Variants in CAAP1 observed in about 807,000 individuals in gnomAD.
CAAP1 encodes the protein conserved anti-apoptotic protein.
A neutral mutation model predicts 34.0 loss-of-function variants in CAAP1; 20 were observed. That is an observed-to-expected ratio of 0.59 (90% confidence interval 0.41 to 0.86). The LOEUF (loss-of-function observed/expected upper bound fraction) is 0.86. CAAP1 is among the 40% of genes least tolerant of loss of function. The pLI, the probability that CAAP1 is intolerant of heterozygous loss-of-function variation, is 0.00. For synonymous variants in CAAP1, 213 were observed against 166.7 expected, an observed-to-expected ratio of 1.28 and a Z score of -2.14; for missense variants, 538 against 450.5, an observed-to-expected ratio of 1.19 and a Z score of -1.76.
At chr9:26,859,376 A>G (rs1042258407) in intron 5 of CAAP1, among the ~76,000 whole-genome samples, 16 of 152,246 alleles carry the variant, frequency 1.1e-4, no homozygotes, top group African/African-American at 3.9e-4. Context: ...ATGGGAACAG[A>G]AAAACATCTT....
rs537831898 is a variant in CAAP1 at position 26,890,944 on chromosome 9, C to CA, written c.303+1468dup. Among the ~76,000 whole-genome samples, 549 of 148,144 alleles carry CA rather than the reference C, an allele frequency of 3.7e-3. 2 individuals carry two copies. The highest frequency in any genetic ancestry group is 5.3e-3 in the African/African-American group (205 of 39,038). On this transcript the variant is annotated intron_variant, in intron 1 of 5. Coordinates refer to ENST00000333916, the MANE Select transcript of CAAP1 (RefSeq NM_024828.4). ...TGGGCAACAGAGCGAGACTCCGTCT[C>CA]AAAAAAAACAAAAAAAAAGAAACAC...
In CAAP1 at chr9:26,892,488, C is replaced by G. The variant is rs199844079; in HGVS notation, c.228G>C (p.Gly76=). 6.4e-5 allele frequency: 100 copies of G among 1,566,820 alleles called. No individual in the cohort carries two copies. The highest frequency in any genetic ancestry group is 5.0e-4 in the Middle Eastern group (3 of 5,954). ...GGCGCTCGCTGCGCTCCACGCTGCT[C>G]CCGCCCCAACAGCTGCCGCCGCTCC... The part of the protein sequence containing the change: ...GGGSGGSCWG[G]SSVERSERRK... Residue 76 remains glycine, a synonymous_variant, in exon 1 of 6, where the codon GGG becomes GGC. Transcript: ENST00000333916.
At position 26,884,820 on chromosome 9, in the gene CAAP1, A is replaced by C. The variant is rs770433725; in HGVS notation, c.655T>G (p.Leu219Val). ...ADDGSKMGSD[L>V]VSQQDICIDS... Reference sequence around the variant, plus strand: ...AGTTTTTAAACTTACTGACTGACTAAATCAGATCCCATCTTAGAACCATCA... The same window carrying C: ...AGTTTTTAAACTTACTGACTGACTACATCAGATCCCATCTTAGAACCATCA... Residue 219 changes from leucine to valine, a missense_variant, in exon 4 of 6, where the codon TTA becomes GTA. Physicochemically the swap from Leu to Val is conservative, Grantham distance 32. Transcript: ENST00000333916. The C allele has an allele frequency of 3.7e-6, 6 of 1,607,732 alleles. No individual in the cohort carries two copies. The Admixed American group carries it at 1.0e-4, about 27-fold the overall frequency.
chr9:26,887,487 C>T lies in CAAP1; in HGVS notation c.330G>A (p.Leu110=). 1.9e-6 allele frequency: 3 copies of T among 1,602,342 alleles called. No individual in the cohort carries two copies. Among genetic ancestry groups the T allele is most frequent in the Non-Finnish European group, 2.5e-6 (3 of 1,176,504 alleles). ...GCTCTGCCAAGAATAATTCTTTTTC[C>T]AAAGTTGGCAAAATATATTTAGTTT... The part of the protein sequence containing the change: ...QQETKYILPT[L]EKELFLAEHS... Residue 110 remains leucine, a synonymous_variant, in exon 2 of 6, where the codon TTG becomes TTA. Transcript: ENST00000333916.
intron 4 of CAAP1, among the ~76,000 whole-genome samples, chr9:26,872,352 A>C (rs1486839989): frequency 6.6e-6 from 1 of 152,162 alleles, no homozygotes; most frequent in Non-Finnish European, 1.5e-5. Flanking sequence ...ACTGTTAAAC[A>C]ATGTACTAAA....
chr9:26,849,695 T>C (rs375575436), intron 5 of CAAP1, among the ~76,000 whole-genome samples: 22 of 152,282 alleles, frequency 1.4e-4, no homozygotes, highest in African/African-American at 4.3e-4. Context: ...CTTTTTTTCT[T>C]TAGGTATTTT....
chr9:26,855,750 T>G (rs1399362625), intron 5 of CAAP1, among the ~76,000 whole-genome samples: 1 of 152,170 alleles, frequency 6.6e-6, no homozygotes, highest in Non-Finnish European at 1.5e-5. Flanking sequence ...AGCCTAGTAT[T>G]TACTGTCTTT....
intron 4 of CAAP1, among the ~76,000 whole-genome samples, chr9:26,877,352 G>T (rs1023371936): frequency 2.0e-5 from 3 of 152,060 alleles, no homozygotes; most frequent in African/African-American, 7.2e-5. Context: ...AAAGGATACT[G>T]AACCTGTAAC....
chr9:26,891,571 C>A (rs201356168), intron 1 of CAAP1, among the ~76,000 whole-genome samples: 1 of 150,358 alleles, frequency 6.7e-6, no homozygotes, highest in Non-Finnish European at 1.5e-5. Context: ...GTAGTCACAA[C>A]AATACAAAAA....
intron 4 of CAAP1, among the ~76,000 whole-genome samples, chr9:26,883,199 T>A (rs1054915239): frequency 3.9e-5 from 6 of 152,186 alleles, no homozygotes; most frequent in Non-Finnish European, 8.8e-5. Context: ...CGGGGCAGAA[T>A]GATACGGTTT....
chr9:26,851,540 A>G (rs141616638), intron 5 of CAAP1, among the ~76,000 whole-genome samples: 303 of 152,348 alleles, frequency 2.0e-3, no homozygotes, highest in African/African-American at 6.9e-3. Context: ...AATGGATCAG[A>G]TAAGTGGATA....
In CAAP1 at chr9:26,842,074, C is replaced by G; in HGVS notation, c.*227G>C. On this transcript the variant is annotated 3_prime_UTR_variant, in exon 6 of 6. Coordinates refer to ENST00000333916, the MANE Select transcript of CAAP1 (RefSeq NM_024828.4). ...ATACTCATCTAACAAAGTATCCAGG[C>G]TATCCAACTATATTGCCATGAATTC... 2.5e-6 allele frequency: 1 copy of G among 394,022 alleles called. No individual in the cohort carries two copies. Among genetic ancestry groups the G allele is most frequent in the Admixed American group, 4.1e-5 (1 of 24,414 alleles). 24.4% of individuals were successfully genotyped at this position (394,022 alleles called of 1,614,324 possible).
chr9:26,888,078 A>G (rs1449877104), intron 1 of CAAP1, among the ~76,000 whole-genome samples: 1 of 152,228 alleles, frequency 6.6e-6, no homozygotes, highest in African/African-American at 2.4e-5. Flanking sequence ...TACTGCCATA[A>G]TTCTGTTCCA....
intron 1 of CAAP1, among the ~76,000 whole-genome samples, chr9:26,891,566 CACA>C (rs77744920): frequency 0.074 from 11,176 of 151,986 alleles, 1,513 homozygotes; most frequent in East Asian, 0.65. Flanking sequence ...GTATTGTAGT[CACA>C]ACAATACAAA....
rs552901982 is a variant in CAAP1, at chr9:26,892,347, C to G, written c.303+66G>C. The G allele has an allele frequency of 8.9e-6, 14 of 1,580,048 alleles. No homozygotes were observed. In the African/African-American group the frequency reaches 1.7e-4, roughly 20 times the overall value. On this transcript the variant is annotated intron_variant, in intron 1 of 5. Coordinates refer to ENST00000333916, the MANE Select transcript of CAAP1 (RefSeq NM_024828.4). ...GAGCTCCAGCCTGCGCCCCATCCCTCTGGAAGCCCGACTTCTTCCGAAAAA... is the reference window on the plus strand; with the variant it reads ...GAGCTCCAGCCTGCGCCCCATCCCTGTGGAAGCCCGACTTCTTCCGAAAAA...
intron 5 of CAAP1, among the ~76,000 whole-genome samples, chr9:26,845,305 C>A (rs10967560): frequency 3.3e-5 from 5 of 151,448 alleles, no homozygotes; most frequent in Admixed American, 3.3e-4. Flanking sequence ...AGTTGTTCAT[C>A]TTCATCTCTT....
intron 3 of CAAP1, among the ~76,000 whole-genome samples, chr9:26,885,359 G>A (rs1251958027): frequency 6.6e-6 from 1 of 152,128 alleles, no homozygotes; most frequent in African/African-American, 2.4e-5. Flanking sequence ...ACAGGCGTGA[G>A]CCATCGCGCC....
At chr9:26,844,885 A>C (rs1014042104) in intron 5 of CAAP1, among the ~76,000 whole-genome samples, 2 of 152,150 alleles carry the variant, frequency 1.3e-5, no homozygotes, top group African/African-American at 4.8e-5. Flanking sequence ...GATGTGTCTT[A>C]GGTTTGATGT....
At chr9:26,876,969 C>A (rs1211744284) in intron 4 of CAAP1, among the ~76,000 whole-genome samples, 1 of 152,040 alleles carries the variant, frequency 6.6e-6, no homozygotes, top group Non-Finnish European at 1.5e-5. Flanking sequence ...GCCTGGACAA[C>A]ATAGTGAGAC....
Sources: gnomAD v4.1 joint callset for allele counts (sites outside exome capture counted in the v4.1 genomes callset) on GRCh38, gnomAD v4.1.1 for gene constraint, MANE v1.5 for transcripts, NCBI Gene and HGNC (gene_info 2026-07-23, HGNC 2026-07-21) for gene names.